The following RUNX1 variants were observed in gnomAD, a reference collection of about 807,000 sequenced individuals.
The protein encoded by RUNX1 is runt-related transcription factor 1.
In RUNX1, 19 loss-of-function variants were observed where a neutral mutation model predicts 42.8. The ratio of observed to expected loss-of-function variants is 0.44; its 90% confidence interval spans 0.31 to 0.65. RUNX1 has a LOEUF of 0.65. RUNX1 is among the 30% of genes least tolerant of loss of function. The pLI, the probability that RUNX1 is intolerant of heterozygous loss-of-function variation, is 0.07. For synonymous variants in RUNX1, 271 were observed against 289.4 expected, an observed-to-expected ratio of 0.94 and a Z score of 0.64; for missense variants, 528 against 672.0, an observed-to-expected ratio of 0.79 and a Z score of 2.37.
At chr21:35,009,552 C>A (rs1331080425) in intron 2 of RUNX1, among the ~76,000 whole-genome samples, 1 of 152,184 alleles carries the variant, frequency 6.6e-6, no homozygotes, top group African/African-American at 2.4e-5. Flanking sequence ...AGCATCTCAG[C>A]CACCTAAGCA....
intron 2 of RUNX1, among the ~76,000 whole-genome samples, chr21:34,963,747 T>C (rs2058698197): frequency 6.6e-6 from 1 of 152,156 alleles, no homozygotes; most frequent in South Asian, 2.1e-4. Context: ...TGGGGCATTA[T>C]TCAGCACAGC....
chr21:34,852,784 C>T (rs1162022191), intron 6 of RUNX1, among the ~76,000 whole-genome samples: 1 of 152,078 alleles, frequency 6.6e-6, no homozygotes, highest in African/African-American at 2.4e-5. Context: ...GAACTAAAGT[C>T]CAAGTCCAAA....
chr21:34,989,242 C>T (rs938576671), intron 2 of RUNX1, among the ~76,000 whole-genome samples: 1 of 152,034 alleles, frequency 6.6e-6, no homozygotes, highest in Non-Finnish European at 1.5e-5. Context: ...CTCCTGGCCT[C>T]AGGTGATCTG....
rs1214667759 is a variant in RUNX1 at position 34,792,349 on chromosome 21, G to C, written c.1229C>G (p.Ser410Trp). The C allele has an allele frequency of 6.5e-7, 1 of 1,545,960 alleles. No homozygotes were observed. Among genetic ancestry groups the C allele is most frequent in the Middle Eastern group, 1.7e-4 (1 of 5,932 alleles). The change falls in exon 9 of 9, where the codon TCG (serine) becomes TGG (tryptophan). Residue 410 changes from serine (S) to tryptophan (W), a missense_variant. Ser to Trp is a radical substitution (Grantham distance 177, BLOSUM62 -3). This residue lies in a region of RUNX1 where 331 missense variants were observed against 382.5 expected (regional missense o/e 0.87). Transcript: ENST00000675419. The surrounding 1 kb of genome is among the most constrained non-coding windows in gnomAD (Gnocchi z 6.9). Reference sequence around the variant, plus strand: ...CATGGAGAACTGGTAGGAGCCGGCCGAGGCGCCGTAGTACAGGTGGTAGGA... The same window carrying C: ...CATGGAGAACTGGTAGGAGCCGGCCCAGGCGCCGTAGTACAGGTGGTAGGA... ...SPSYHLYYGA[S>W]AGSYQFSMVG...
At chr21:35,023,117 A>C in intron 2 of RUNX1, among the ~76,000 whole-genome samples, 1 of 151,348 alleles carries the variant, frequency 6.6e-6, no homozygotes, top group Non-Finnish European at 1.5e-5. Context: ...AAATTTTTGT[A>C]CTTTTTTGTA....
chr21:35,012,456 G>T (rs1238642653), intron 2 of RUNX1, among the ~76,000 whole-genome samples: 1 of 152,188 alleles, frequency 6.6e-6, no homozygotes, highest in African/African-American at 2.4e-5. Flanking sequence ...TAAATTAATA[G>T]ATTTTTGTAT....
In RUNX1 at chr21:34,790,304, G is replaced by C. The variant is rs1026377797; in HGVS notation, c.*1831C>G. 8.6e-6 allele frequency: 2 copies of C among 233,420 alleles called. No individual in the cohort carries two copies. Among genetic ancestry groups the C allele is most frequent in the Non-Finnish European group, 1.7e-5 (2 of 117,966 alleles). The allele number at this position is 233,420 out of a possible 1,614,324, so 14.5% of individuals were successfully genotyped here. ...TTTTGCTGCCTGCAGCCAAAGATTT[G>C]CCTAATTTGAATGCTTAAATTTATA... On this transcript the variant is annotated 3_prime_UTR_variant, in exon 9 of 9. Coordinates refer to ENST00000675419, the MANE Select transcript of RUNX1 (RefSeq NM_001754.5).
chr21:35,009,480 T>C (rs918604498), intron 2 of RUNX1, among the ~76,000 whole-genome samples: 1 of 152,176 alleles, frequency 6.6e-6, no homozygotes, highest in Non-Finnish European at 1.5e-5. Flanking sequence ...TACACTCCGG[T>C]CAATGCAATT....
intron 5 of RUNX1, among the ~76,000 whole-genome samples, chr21:34,866,736 T>C (rs1196187011): frequency 1.3e-5 from 2 of 152,182 alleles, no homozygotes; most frequent in South Asian, 2.1e-4. Context: ...CCATGCTGAA[T>C]TGAATTAAGA....
chr21:34,954,574 T>C (rs2058631537), intron 2 of RUNX1, among the ~76,000 whole-genome samples: 1 of 152,180 alleles, frequency 6.6e-6, no homozygotes, highest in South Asian at 2.1e-4. Flanking sequence ...CTCTTACAGT[T>C]AGGGCAGGAC....
At chr21:34,935,473 A>G (rs2058477929) in intron 2 of RUNX1, among the ~76,000 whole-genome samples, 1 of 152,242 alleles carries the variant, frequency 6.6e-6, no homozygotes, top group South Asian at 2.1e-4. Flanking sequence ...GACTTTGAAC[A>G]TATTCAACAA....
In RUNX1 at chr21:35,017,861, A is replaced by T. The variant is rs1212679679; in HGVS notation, c.58+30981T>A. 2.6e-5 allele frequency among the ~76,000 whole-genome samples: 4 copies of T among 152,244 alleles called. No homozygotes were observed. In the East Asian group the frequency reaches 7.7e-4, roughly 29 times the overall value. On this transcript the variant is annotated intron_variant, in intron 2 of 8. Coordinates refer to ENST00000675419, the MANE Select transcript of RUNX1 (RefSeq NM_001754.5). Reference sequence around the variant, plus strand: ...AAGAAGTAAAGTCTTTAGCTAAAGAACAAAGATTTAACGGTGGAACTGTCC... The same window carrying T: ...AAGAAGTAAAGTCTTTAGCTAAAGATCAAAGATTTAACGGTGGAACTGTCC...
intron 7 of RUNX1, among the ~76,000 whole-genome samples, chr21:34,808,012 C>T (rs1220930597): frequency 6.6e-6 from 1 of 152,248 alleles, no homozygotes. Context: ...GTAAGAAGAG[C>T]AGTCACCTAT....
At chr21:34,866,318 C>T (rs1238122958) in intron 5 of RUNX1, among the ~76,000 whole-genome samples, 2 of 152,168 alleles carry the variant, frequency 1.3e-5, no homozygotes, top group African/African-American at 2.4e-5. Context: ...AAAAGAAAAA[C>T]ATCGCAGCTT....
intron 3 of RUNX1, chr21:34,887,673 G>C: frequency 9.3e-7 from 1 of 1,074,980 alleles, no homozygotes; most frequent in Non-Finnish European, 1.1e-6. Flanking sequence ...TCCAAAGGTA[G>C]TGCTACTAAT....
intron 3 of RUNX1, chr21:34,887,645 AAAGC>A (rs2058018306): frequency 1.9e-6 from 2 of 1,079,726 alleles, no homozygotes; most frequent in Non-Finnish European, 2.3e-6. Flanking sequence ...TCAGTCCCGA[AAAGC>A]AAGAGCTGAG....
In RUNX1 at chr21:34,889,753, A is replaced by AGGGCTC. The variant is rs1555900810; in HGVS notation, c.98-2658_98-2657insGAGCCC. The AGGGCTC allele has an allele frequency of 1.7e-5, 20 of 1,160,880 alleles. No homozygotes were observed. In the African/African-American group the frequency reaches 2.6e-4, roughly 15 times the overall value. 71.9% of individuals were successfully genotyped at this position (1,160,880 alleles called of 1,614,324 possible). ...CTGCGGGCATTTTCGCGGAGCTCGG[A>AGGGCTC]GGGCCCCGCCCCCGGTCCGGCGTGC... is the stretch of plus-strand genomic sequence containing the variant. On this transcript the variant is annotated intron_variant, in intron 3 of 8. Transcript: ENST00000675419.
intron 5 of RUNX1, among the ~76,000 whole-genome samples, chr21:34,861,898 G>A (rs1052416538): frequency 6.6e-6 from 1 of 152,158 alleles, no homozygotes; most frequent in Admixed American, 6.5e-5. Flanking sequence ...ACTGAATGCA[G>A]TTTGCGGCTG....
intron 7 of RUNX1, among the ~76,000 whole-genome samples, chr21:34,813,530 C>T (rs1306305385): frequency 6.6e-6 from 1 of 152,068 alleles, no homozygotes; most frequent in Non-Finnish European, 1.5e-5. Context: ...CAGGGGGAAA[C>T]TCCATCCCCA....
Sources: allele counts gnomAD v4.1 joint callset (sites outside exome capture counted in the v4.1 genomes callset), GRCh38; gene constraint gnomAD v4.1.1; regional missense constraint gnomAD v4.1.1; non-coding constraint Gnocchi (gnomAD v3.1); transcripts MANE v1.5; gene names NCBI Gene and HGNC (gene_info 2026-07-23, HGNC 2026-07-21).